Variants in RNF138 observed in about 807,000 individuals in gnomAD.
RNF138 encodes the protein ring finger protein 138, also known as E3 ubiquitin-protein ligase RNF138.
In RNF138, 12 loss-of-function variants were observed where a neutral mutation model predicts 31.0. The ratio of observed to expected loss-of-function variants is 0.39; its 90% CI spans 0.25 to 0.63. The LOEUF is 0.63. RNF138 is among the 20% of genes least tolerant of loss of function. The probability of loss-of-function intolerance (pLI) is 0.52; values close to 1 mark genes in which losing one functional copy is unlikely to be tolerated. For synonymous variants in RNF138, 105 were observed against 99.5 expected (o/e 1.06, Z -0.33); for missense variants, 192 against 300.1 (o/e 0.64, Z 2.66).
At chr18:32,092,634 C>A in intron 1 of RNF138, 66 bp from the exon 2 acceptor site, 2 of 654,702 alleles carry the variant, frequency 3.1e-6, no homozygotes, top group Non-Finnish European at 5.6e-6. Flanking sequence ...TACCCAGGGC[C>A]CCGCCCCCTT....
At chr18:32,103,560 T>G (rs2039977634) in intron 2 of RNF138, among the ~76,000 whole-genome samples, 1 of 152,216 alleles carries the variant, frequency 6.6e-6, no homozygotes, top group African/African-American at 2.4e-5. Flanking sequence ...AAAAAAGGTT[T>G]GTCCTTCAAA....
At chr18:32,109,419 A>G (rs572535605) in intron 2 of RNF138, 1 of 152,236 alleles carries the variant, frequency 6.6e-6, no homozygotes, top group African/African-American at 2.4e-5. Flanking sequence ...GGTGTGAGCC[A>G]CTGTGCCTGG....
In RNF138 at chr18:32,129,339, A is replaced by G. The variant is rs2040435909; in HGVS notation, c.*152A>G. ...GATTGAAAATAAAGGTAGGGCTTCT[A>G]AAAACTTCATCATCTTGATAAGTTA... is the stretch of plus-strand genomic sequence containing the variant. On this transcript the variant is annotated 3_prime_UTR_variant, in exon 8 of 8. Transcript: ENST00000261593. 1 of 547,194 alleles carries G rather than the reference A, an allele frequency of 1.8e-6. No individual in the cohort carries two copies. Among genetic ancestry groups the G allele is most frequent in the Admixed American group, 3.1e-5 (1 of 32,230 alleles). 33.9% of individuals were successfully genotyped at this position (547,194 alleles called of 1,614,324 possible).
At chr18:32,093,221 C>T (rs1598840546) in intron 2 of RNF138, among the ~76,000 whole-genome samples, 1 of 152,162 alleles carries the variant, frequency 6.6e-6, no homozygotes, top group East Asian at 1.9e-4. Context: ...AGGCCCCTGT[C>T]GTCTCCGCCA....
chr18:32,110,458 CTT>C (rs2040107968), intron 2 of RNF138, among the ~76,000 whole-genome samples: 5 of 152,116 alleles, frequency 3.3e-5, no homozygotes, highest in Non-Finnish European at 5.9e-5. Context: ...GTTGTAGATA[CTT>C]TTATTATTTC....
chr18:32,097,240 G>A (rs2039825124), intron 2 of RNF138, among the ~76,000 whole-genome samples: 2 of 152,188 alleles, frequency 1.3e-5, no homozygotes, highest in African/African-American at 2.4e-5. Context: ...GTACATGGCA[G>A]AAGTAAGCTA....
At chr18:32,094,764 T>C (rs761855028) in intron 2 of RNF138, among the ~76,000 whole-genome samples, 5 of 152,002 alleles carry the variant, frequency 3.3e-5, no homozygotes, top group Non-Finnish European at 5.9e-5. Context: ...TGAGAGGAAG[T>C]TGTAATAGCT....
chr18:32,116,301 C>T (rs2040215698), intron 4 of RNF138, among the ~76,000 whole-genome samples: 1 of 152,060 alleles, frequency 6.6e-6, no homozygotes. Context: ...CCTTCCTGAG[C>T]TCTAGAATTT....
chr18:32,111,719 T>G (rs2040134572), intron 2 of RNF138, 35 bp from the exon 3 acceptor site: 8 of 1,559,352 alleles, frequency 5.1e-6, no homozygotes, highest in Non-Finnish European at 7.0e-6. Context: ...AGAGTAATTT[T>G]TTTTGTAATT....
intron 4 of RNF138, among the ~76,000 whole-genome samples, chr18:32,123,178 C>T (rs1026130730): frequency 6.6e-6 from 1 of 152,052 alleles, no homozygotes; most frequent in Non-Finnish European, 1.5e-5. Context: ...TAAAACCTTA[C>T]TAGTCTAGGT....
chr18:32,113,632 C>T (rs2040168951), intron 3 of RNF138, 113 bp from the exon 4 acceptor site: 1 of 512,930 alleles, frequency 1.9e-6, no homozygotes, highest in Admixed American at 4.2e-5. Flanking sequence ...TAAAAAAATA[C>T]AACTCCTGTT....
At chr18:32,098,618 C>T (rs912342261) in intron 2 of RNF138, among the ~76,000 whole-genome samples, 3 of 151,826 alleles carry the variant, frequency 2.0e-5, no homozygotes, top group East Asian at 1.9e-4. Flanking sequence ...TTTGGGAGGC[C>T]GAGGCAGGCG....
chr18:32,129,996 G>C lies in RNF138; in HGVS notation c.*809G>C. 6.6e-6 allele frequency: 1 copy of C among 152,162 alleles called. No individual in the cohort carries two copies. Among genetic ancestry groups the C allele is most frequent in the East Asian group, 1.9e-4 (1 of 5,194 alleles). 9.4% of individuals were successfully genotyped at this position (152,162 alleles called of 1,614,324 possible). On this transcript the variant is annotated 3_prime_UTR_variant, in exon 8 of 8. Transcript: ENST00000261593. ...AAACTCTTATTAGAAACTTTCAGTT[G>C]GTGATATTGTATTCTAGAAGATATA...
chr18:32,129,026 G>A (rs1392483736), intron 7 of RNF138, 93 bp from the exon 8 acceptor site: 2 of 791,362 alleles, frequency 2.5e-6, no homozygotes, highest in Non-Finnish European at 4.5e-6. Flanking sequence ...GTGTCAAGAT[G>A]TGTAATGTGT....
intron 4 of RNF138, among the ~76,000 whole-genome samples, chr18:32,122,786 T>C (rs1479835096): frequency 1.3e-5 from 2 of 152,194 alleles, no homozygotes; most frequent in Non-Finnish European, 2.9e-5. Flanking sequence ...ATTGCACCAC[T>C]GCACTCCAGC....
chr18:32,101,569 A>T (rs1232100824), intron 2 of RNF138, among the ~76,000 whole-genome samples: 1 of 151,320 alleles, frequency 6.6e-6, no homozygotes, highest in Non-Finnish European at 1.5e-5. Flanking sequence ...AGAAAAATTT[A>T]TTTTTTTTTA....
chr18:32,092,685 T>A lies in RNF138; in HGVS notation c.-77-15T>A. ...ATCCTGATGCGATCCCCCTCCCCCC[T>A]CCGGGTTCATGTAGGGAGTCGGGCC... On this transcript the variant is annotated splice_polypyrimidine_tract_variant and intron_variant, in intron 1 of 7. Transcript: ENST00000261593. 1.4e-6 allele frequency: 1 copy of A among 717,752 alleles called. No individual in the cohort carries two copies. The highest frequency in any genetic ancestry group is 1.8e-5 in the African/African-American group (1 of 55,832). 44.5% of individuals were successfully genotyped at this position (717,752 alleles called of 1,614,324 possible). A position where few individuals can be genotyped will look rare whatever the true frequency, so the allele number is the denominator to read the frequency against.
intron 4 of RNF138, among the ~76,000 whole-genome samples, chr18:32,117,051 A>G (rs1438533746): frequency 6.6e-6 from 1 of 151,490 alleles, no homozygotes; most frequent in African/African-American, 2.4e-5. Context: ...ACAGGTGCCC[A>G]CCACCACGCC....
chr18:32,112,150 G>A (rs568388648), intron 3 of RNF138, among the ~76,000 whole-genome samples: 7 of 151,906 alleles, frequency 4.6e-5, no homozygotes, highest in African/African-American at 1.4e-4. Context: ...AATACTTAGC[G>A]TGGCATTTTT....
Sources: gnomAD v4.1 joint callset for allele counts (sites outside exome capture counted in the v4.1 genomes callset) on GRCh38, gnomAD v4.1.1 for gene constraint, MANE v1.5 for transcripts, NCBI Gene and HGNC (gene_info 2026-07-23, HGNC 2026-07-21) for gene names.